Variants in ANKRD30A observed in about 807,000 individuals in gnomAD.
ANKRD30A encodes the protein ankyrin repeat domain 30A.
Under a neutral mutation model 166.3 loss-of-function variants are expected in ANKRD30A, and 170 were observed. That is an observed-to-expected ratio of 1.02 (90% CI 0.90 to 1.16). ANKRD30A has a LOEUF of 1.16. ANKRD30A is among the 50% of genes most tolerant of loss of function. The probability of loss-of-function intolerance (pLI) is 0.00; values close to 1 mark genes in which losing one functional copy is unlikely to be tolerated. For synonymous variants in ANKRD30A, 564 were observed against 508.9 expected (o/e 1.11, Z -1.46); for missense variants, 1,630 against 1,518.0 (o/e 1.07, Z -1.23).
intron 1 of ANKRD30A, among the ~76,000 whole-genome samples, chr10:37,129,566 C>A (rs1836252726): frequency 6.6e-6 from 1 of 152,110 alleles, no homozygotes; most frequent in Non-Finnish European, 1.5e-5. Flanking sequence ...GAGATAACTG[C>A]TGTGTTCATC....
At chr10:37,195,632 C>T (rs563403898) in intron 27 of ANKRD30A, among the ~76,000 whole-genome samples, 68 of 152,260 alleles carry the variant, frequency 4.5e-4, no homozygotes, top group African/African-American at 1.4e-3. Context: ...CGGTGGCTCA[C>T]GCCTGTAATG....
In ANKRD30A at chr10:37,199,880, A is replaced by G. The variant is rs573331114; in HGVS notation, c.2778+92A>G. On this transcript the variant is annotated intron_variant, in intron 30 of 35. Transcript: ENST00000361713. ...TTAGACTTTATTTTCTCACCTCTGC[A>G]TATGTCACCCGCAAATTATTTTTGA... 7.1e-5 allele frequency: 49 copies of G among 691,720 alleles called. No homozygotes were observed. The African/African-American group carries it at 8.3e-4, about 12-fold the overall frequency. 42.8% of individuals were successfully genotyped at this position (691,720 alleles called of 1,614,324 possible). A position where few individuals can be genotyped will look rare whatever the true frequency, so the allele number is the denominator to read the frequency against.
chr10:37,221,682 C>G (rs374204872), intron 34 of ANKRD30A, among the ~76,000 whole-genome samples: 12 of 151,304 alleles, frequency 7.9e-5, no homozygotes, highest in African/African-American at 2.7e-4. Flanking sequence ...ATATTTTTCT[C>G]ATAATATTTA....
In ANKRD30A at chr10:37,162,768, C is replaced by G. The variant is rs376097171; in HGVS notation, c.1930-8C>G. 6.2e-6 allele frequency: 10 copies of G among 1,613,552 alleles called. No individual in the cohort carries two copies. The African/African-American group carries it at 1.3e-4, about 22-fold the overall frequency. On this transcript the variant is annotated splice_polypyrimidine_tract_variant and splice_region_variant and intron_variant, in intron 16 of 35. Coordinates refer to ENST00000361713, the MANE Select transcript of ANKRD30A (RefSeq NM_052997.3). ...TTTATTAATCATTTTGCTTCCAACC[C>G]CATTTAGCCTGCCACTGAAATGCAA...
Position 37,219,362 on chromosome 10 carries a change from A to G in ANKRD30A, c.3650A>G (p.Lys1217Arg), listed in dbSNP as rs1313671003. Residue 1217 changes from lysine (K) to arginine (R), a missense_variant, in exon 34 of 36, where the codon AAA becomes AGA. Lys to Arg is a conservative substitution (Grantham distance 26). This residue lies in a region of ANKRD30A where 712 missense variants were observed against 629.3 expected (regional missense o/e 1.13). Transcript: ENST00000361713. Reference sequence around the variant, plus strand: ...CATGATCAAATTGTGACATCAAGAAAAAGTCAAGAACCTGCTTTCCACATT... The same window carrying G: ...CATGATCAAATTGTGACATCAAGAAGAAGTCAAGAACCTGCTTTCCACATT... ...QDHDQIVTSR[K>R]SQEPAFHIAG... The G allele has an allele frequency of 1.2e-6, 2 of 1,610,554 alleles. No individual in the cohort carries two copies. The highest frequency in any genetic ancestry group is 1.7e-6 in the Non-Finnish European group (2 of 1,177,690).
At position 37,198,096 on chromosome 10, in the gene ANKRD30A, A is replaced by G. The variant is rs187451962; in HGVS notation, c.2716+616A>G. The stretch of plus-strand genomic sequence containing the variant: ...CTTTTTCATGAAACTGTGATTCTGA[A>G]GTGTTTGGCTTTAGAGTCTTTTTAC... On this transcript the variant is annotated intron_variant, in intron 29 of 35. Coordinates refer to ENST00000361713, the MANE Select transcript of ANKRD30A (RefSeq NM_052997.3). Among the ~76,000 whole-genome samples the G allele has an allele frequency of 1.8e-4, 27 of 152,240 alleles. No individual in the cohort carries two copies. The East Asian group carries it at 4.4e-3, about 25-fold the overall frequency.
chr10:37,207,726 A>C (rs534820770), intron 31 of ANKRD30A, among the ~76,000 whole-genome samples: 1 of 152,064 alleles, frequency 6.6e-6, no homozygotes, highest in Admixed American at 6.6e-5. Context: ...TCATTATAAT[A>C]GTTTTTTGAA....
intron 31 of ANKRD30A, among the ~76,000 whole-genome samples, chr10:37,201,790 C>G (rs1483748628): frequency 6.6e-6 from 1 of 152,048 alleles, no homozygotes; most frequent in African/African-American, 2.4e-5. Flanking sequence ...TATTCTGACT[C>G]TTAATGTCTT....
chr10:37,133,872 T>G, intron 4 of ANKRD30A, 44 bp from the exon 5 acceptor site: 1 of 1,601,684 alleles, frequency 6.2e-7, no homozygotes, highest in Non-Finnish European at 8.5e-7. Context: ...ACATATTAAA[T>G]TGGTTCTGCT....
chr10:37,219,902 G>A lies in ANKRD30A; in HGVS notation c.4185+5G>A, dbSNP rs1842805956. The stretch of plus-strand genomic sequence containing the variant: ...AAAGAGAAAGCAGAAACAGAAGTAA[G>A]TATCAAAAAATATAAATACTTGTCA... On this transcript the variant is annotated splice_donor_5th_base_variant and intron_variant, in intron 34 of 35. Transcript: ENST00000361713. 1 of 1,470,312 alleles carries A rather than the reference G, an allele frequency of 6.8e-7. No individual in the cohort carries two copies. The allele number at this position is 1,470,312 out of a possible 1,614,324, so 91.1% of individuals were successfully genotyped here.
At chr10:37,153,508 T>C (rs1307370154) in intron 12 of ANKRD30A, 64 bp from the exon 13 acceptor site, 1 of 1,584,638 alleles carries the variant, frequency 6.3e-7, no homozygotes, top group East Asian at 2.2e-5. Flanking sequence ...AATTAGGAAA[T>C]TTTGATACTC....
At chr10:37,207,834 T>A (rs2132711518) in intron 31 of ANKRD30A, among the ~76,000 whole-genome samples, 1 of 152,222 alleles carries the variant, frequency 6.6e-6, no homozygotes, top group South Asian at 2.1e-4. Flanking sequence ...GACATAAATT[T>A]CATTGATAGA....
At chr10:37,232,979 T>TATC (rs1175066408), downstream of ANKRD30A, among the ~76,000 whole-genome samples, 1 of 151,744 alleles carries the variant, frequency 6.6e-6, no homozygotes, top group Non-Finnish European at 1.5e-5. Flanking sequence ...TTTCACTGTG[T>TATC]ATCACTGTCA....
chr10:37,225,195 T>C (rs931046838), intron 34 of ANKRD30A, among the ~76,000 whole-genome samples: 1 of 151,480 alleles, frequency 6.6e-6, no homozygotes, highest in Admixed American at 6.6e-5. Flanking sequence ...TTATCTGTCA[T>C]ATATGCTGTA....
chr10:37,190,823 T>C (rs1335815779), intron 25 of ANKRD30A, among the ~76,000 whole-genome samples: 2 of 151,384 alleles, frequency 1.3e-5, no homozygotes, highest in Non-Finnish European at 2.9e-5. Context: ...AATATATAGA[T>C]ATATATATAT....
At chr10:37,164,914 T>G (rs990954298) in intron 17 of ANKRD30A, among the ~76,000 whole-genome samples, 180 bp from the exon 18 acceptor site, 7 of 152,018 alleles carry the variant, frequency 4.6e-5, no homozygotes, top group African/African-American at 1.7e-4. Flanking sequence ...ATTGTCAGAG[T>G]TTTTAGATTT....
At chr10:37,212,281 A>G (rs569492421) in intron 31 of ANKRD30A, among the ~76,000 whole-genome samples, 1 of 152,208 alleles carries the variant, frequency 6.6e-6, no homozygotes, top group East Asian at 1.9e-4. Context: ...TGCTTCAAAG[A>G]GAGTAAAATA....
At chr10:37,166,054 A>C (rs1459127352) in intron 18 of ANKRD30A, among the ~76,000 whole-genome samples, 6 of 152,118 alleles carry the variant, frequency 3.9e-5, no homozygotes, top group Admixed American at 3.3e-4. Flanking sequence ...TTTTGTCAGA[A>C]ACATGTTGCT....
intron 1 of ANKRD30A, among the ~76,000 whole-genome samples, chr10:37,129,487 T>TA (rs1836247834): frequency 6.6e-6 from 1 of 152,222 alleles, no homozygotes; most frequent in Non-Finnish European, 1.5e-5. Flanking sequence ...ACTGAGCTGT[T>TA]ACATGTGCTA....
Sources: gnomAD v4.1 joint callset for allele counts (sites outside exome capture counted in the v4.1 genomes callset) on GRCh38, gnomAD v4.1.1 for gene constraint, gnomAD v4.1.1 regional missense constraint, MANE v1.5 for transcripts, NCBI Gene and HGNC (gene_info 2026-07-23, HGNC 2026-07-21) for gene names.